The following HS6ST3 variants were observed in gnomAD, a reference collection of about 807,000 sequenced individuals.
The protein encoded by HS6ST3 is heparan-sulfate 6-O-sulfotransferase 3.
Under a neutral mutation model 36.7 loss-of-function variants are expected in HS6ST3, and 12 were observed. That is an observed-to-expected ratio of 0.33 (90% CI 0.21 to 0.53). The LOEUF is 0.53. HS6ST3 is among the 20% of genes least tolerant of loss of function. The pLI is 0.95. For synonymous variants in HS6ST3, 240 were observed against 257.5 expected (o/e 0.93, Z 0.65); for missense variants, 584 against 640.9 (o/e 0.91, Z 0.96).
intron 1 of HS6ST3, among the ~76,000 whole-genome samples, chr13:96,482,527 C>T (rs2055894849): frequency 6.8e-6 from 1 of 146,300 alleles, no homozygotes; most frequent in South Asian, 2.1e-4. Flanking sequence ...AACTTTTTAT[C>T]TGGTCTCCTC....
intron 1 of HS6ST3, among the ~76,000 whole-genome samples, chr13:96,621,477 A>G (rs1488156174): frequency 6.6e-6 from 1 of 152,118 alleles, no homozygotes; most frequent in Admixed American, 6.6e-5. Context: ...GAGGCCTCCC[A>G]GCCATGTGGA....
At chr13:96,734,103 T>C (rs1876223642) in intron 1 of HS6ST3, among the ~76,000 whole-genome samples, 1 of 152,184 alleles carries the variant, frequency 6.6e-6, no homozygotes, top group East Asian at 1.9e-4. Context: ...TCCAATCTCT[T>C]ATTTACTTAT....
chr13:96,252,687 G>A (rs1408600379), intron 1 of HS6ST3, among the ~76,000 whole-genome samples: 1 of 152,158 alleles, frequency 6.6e-6, no homozygotes, highest in African/African-American at 2.4e-5. Context: ...TTGTTGAAAT[G>A]TAATCCCCAG....
rs186774894 is a variant in HS6ST3 at position 96,142,580 on chromosome 13, T to C, written c.707+51011T>C. On this transcript the variant is annotated intron_variant, in intron 1 of 1. Transcript: ENST00000376705. ...ACAAGTACATGCATTATACTTTGTA[T>C]GATTGGAAGGGAATATATTGTACTC... is the stretch of plus-strand genomic sequence containing the variant. Among the ~76,000 whole-genome samples the C allele has an allele frequency of 3.3e-3, 509 of 152,302 alleles. 3 individuals carry two copies. The highest frequency in any genetic ancestry group is 0.02 in the South Asian group (99 of 4,830).
At chr13:96,730,379 A>G (rs944824400) in intron 1 of HS6ST3, among the ~76,000 whole-genome samples, 6 of 152,118 alleles carry the variant, frequency 3.9e-5, no homozygotes, top group African/African-American at 1.2e-4. Flanking sequence ...GGTGTTTCAG[A>G]ATCTCATAGA....
intron 1 of HS6ST3, among the ~76,000 whole-genome samples, chr13:96,227,357 G>A (rs1038062608): frequency 2.0e-5 from 3 of 152,182 alleles, no homozygotes; most frequent in Admixed American, 6.5e-5. Context: ...GTAGGAAGCC[G>A]ATTGAGTTAA....
chr13:96,091,606 A>AC (rs2053765155), intron 1 of HS6ST3, 37 bp downstream of exon 1: 6 of 881,984 alleles, frequency 6.8e-6, no homozygotes, highest in African/African-American at 2.6e-5. Context: ...CTTCCCCCCC[A>AC]CCCCCCATCC....
At chr13:96,590,930 C>T (rs779332952) in intron 1 of HS6ST3, among the ~76,000 whole-genome samples, 1 of 152,056 alleles carries the variant, frequency 6.6e-6, no homozygotes, top group East Asian at 1.9e-4. Context: ...TATCAAGTAC[C>T]ATTTATTGAA....
At chr13:96,320,059 G>C (rs1254573405) in intron 1 of HS6ST3, among the ~76,000 whole-genome samples, 1 of 152,122 alleles carries the variant, frequency 6.6e-6, no homozygotes, top group Non-Finnish European at 1.5e-5. Context: ...CTGCATGCTG[G>C]TGGAAAAGGG....
chr13:96,476,932 T>C (rs1222238159), intron 1 of HS6ST3, among the ~76,000 whole-genome samples: 2 of 152,220 alleles, frequency 1.3e-5, no homozygotes, highest in East Asian at 3.9e-4. Context: ...TGAAATCAAT[T>C]GTAAGGAGGA....
chr13:96,759,834 A>C (rs1217685047), intron 1 of HS6ST3, among the ~76,000 whole-genome samples: 1 of 151,994 alleles, frequency 6.6e-6, no homozygotes, highest in Admixed American at 6.6e-5. Flanking sequence ...AGTGTTACCA[A>C]CCATGGATGT....
intron 1 of HS6ST3, among the ~76,000 whole-genome samples, chr13:96,405,282 A>T (rs1027118110): frequency 6.6e-6 from 1 of 152,202 alleles, no homozygotes. Context: ...AATATTTGAG[A>T]ACTTAGTTCA....
chr13:96,474,535 A>G (rs1228331907), intron 1 of HS6ST3, among the ~76,000 whole-genome samples: 2 of 152,230 alleles, frequency 1.3e-5, no homozygotes, highest in South Asian at 4.1e-4. Context: ...ATCAGTATGC[A>G]TTACCACATC....
chr13:96,673,064 T>G (rs1306671540), intron 1 of HS6ST3, among the ~76,000 whole-genome samples: 1 of 152,108 alleles, frequency 6.6e-6, no homozygotes, highest in Non-Finnish European at 1.5e-5. Flanking sequence ...GAGAACCCTC[T>G]CCTTTCTTTT....
chr13:96,385,161 A>G (rs998630112), intron 1 of HS6ST3, among the ~76,000 whole-genome samples: 1 of 149,792 alleles, frequency 6.7e-6, no homozygotes, highest in Admixed American at 6.7e-5. Context: ...CCTGGGCAAC[A>G]AGAGCAGAAC....
chr13:96,646,957 A>G (rs1217518309), intron 1 of HS6ST3, among the ~76,000 whole-genome samples: 1 of 151,970 alleles, frequency 6.6e-6, no homozygotes, highest in African/African-American at 2.4e-5. Flanking sequence ...TTCAACTACA[A>G]TTTGAGAAGA....
intron 1 of HS6ST3, among the ~76,000 whole-genome samples, chr13:96,712,484 A>G (rs1875584484): frequency 6.6e-6 from 1 of 152,158 alleles, no homozygotes; most frequent in Admixed American, 6.6e-5. Context: ...AAGCAAAAGC[A>G]TAGGGTCTCT....
chr13:96,782,927 A>T (rs568695757), intron 1 of HS6ST3, among the ~76,000 whole-genome samples: 1 of 152,232 alleles, frequency 6.6e-6, no homozygotes, highest in African/African-American at 2.4e-5. Flanking sequence ...AGCAGCCGTT[A>T]TCTGTGGCAA....
chr13:96,707,164 A>C (rs1304820710), intron 1 of HS6ST3, among the ~76,000 whole-genome samples: 2 of 152,086 alleles, frequency 1.3e-5, no homozygotes, highest in African/African-American at 4.8e-5. Context: ...TTTGGAGGTG[A>C]GGGTTTTTGG....
Sources: allele counts gnomAD v4.1 joint callset (sites outside exome capture counted in the v4.1 genomes callset), GRCh38; gene constraint gnomAD v4.1.1; transcripts MANE v1.5; gene names NCBI Gene and HGNC (gene_info 2026-07-23, HGNC 2026-07-21).